Variants in TSPAN12 observed in about 807,000 individuals in gnomAD.
TSPAN12 encodes the protein tetraspanin 12, also known as tetraspanin-12.
Under a neutral mutation model 39.2 loss-of-function variants are expected in TSPAN12, and 19 were observed. That is an observed-to-expected ratio of 0.49 (90% confidence interval 0.34 to 0.71). TSPAN12 has a LOEUF of 0.71. TSPAN12 is among the 30% of genes least tolerant of loss of function. TSPAN12 has a pLI of 0.01. For synonymous variants in TSPAN12, 119 were observed against 124.8 expected (o/e 0.95, Z 0.31); for missense variants, 314 against 359.9 (o/e 0.87, Z 1.03).
chr7:120,821,758 C>G (rs1185247296), intron 4 of TSPAN12, among the ~76,000 whole-genome samples: 3 of 152,122 alleles, frequency 2.0e-5, no homozygotes, highest in Non-Finnish European at 4.4e-5. Context: ...TGGCACATAG[C>G]AGACACTTAA....
rs775398063 is a variant in TSPAN12, at chr7:120,838,922, G to T, written c.150-10C>A. On this transcript the variant is annotated splice_polypyrimidine_tract_variant and intron_variant, in intron 3 of 7. Coordinates refer to ENST00000222747, the MANE Select transcript of TSPAN12 (RefSeq NM_012338.4). ...GACTGCTTCCTCTACCCTGAAAGAA[G>T]AAAAATAATGTATTAGAAAGAAAAT... 6.2e-7 allele frequency: 1 copy of T among 1,613,430 alleles called. No homozygotes were observed. Among genetic ancestry groups the T allele is most frequent in the Non-Finnish European group, 8.5e-7 (1 of 1,179,680 alleles).
intron 4 of TSPAN12, among the ~76,000 whole-genome samples, chr7:120,826,087 T>C (rs968156718): frequency 6.6e-5 from 10 of 152,220 alleles, no homozygotes; most frequent in Admixed American, 1.3e-4. Context: ...CCTTTGTGCA[T>C]GCTTGTACTT....
rs150277684 is a variant in TSPAN12 at position 120,850,549 on chromosome 7, T to C, written c.66+6149A>G. 1.1e-4 allele frequency among the ~76,000 whole-genome samples: 17 copies of C among 152,340 alleles called. No homozygotes were observed. In the East Asian group the frequency reaches 3.3e-3, roughly 29 times the overall value. The stretch of plus-strand genomic sequence containing the variant: ...TGAGGGAGGAGCCTATTGCTCAGTA[T>C]GCAGCAGAATGTGCTATGAAGAATC... On this transcript the variant is annotated intron_variant, in intron 2 of 7. Transcript: ENST00000222747.
At chr7:120,805,900 G>A (rs1793862667) in intron 7 of TSPAN12, among the ~76,000 whole-genome samples, 1 of 152,036 alleles carries the variant, frequency 6.6e-6, no homozygotes, top group African/African-American at 2.4e-5. Context: ...AACAAAGTCT[G>A]AAAATAATCA....
intron 3 of TSPAN12, among the ~76,000 whole-genome samples, chr7:120,839,448 A>G (rs149578603): frequency 6.6e-6 from 1 of 152,324 alleles, no homozygotes; most frequent in East Asian, 1.9e-4. Context: ...CATTAACCGA[A>G]ACCAGTATTA....
At chr7:120,848,782 T>A (rs1415638072) in intron 2 of TSPAN12, among the ~76,000 whole-genome samples, 1 of 152,186 alleles carries the variant, frequency 6.6e-6, no homozygotes, top group African/African-American at 2.4e-5. Context: ...TCCAGCAACA[T>A]TAAATGTCTG....
chr7:120,827,585 G>C (rs187628121), intron 4 of TSPAN12, among the ~76,000 whole-genome samples: 63 of 152,260 alleles, frequency 4.1e-4, no homozygotes, highest in Non-Finnish European at 8.2e-4. Context: ...AAGGAAGTTT[G>C]AATTAACTAC....
intron 5 of TSPAN12, among the ~76,000 whole-genome samples, chr7:120,814,858 G>T (rs539058098): frequency 6.6e-6 from 1 of 152,168 alleles, no homozygotes; most frequent in African/African-American, 2.4e-5. Flanking sequence ...TTTCTAGATC[G>T]TGCCAAACAC....
intron 2 of TSPAN12, among the ~76,000 whole-genome samples, chr7:120,853,423 C>A (rs1794806999): frequency 6.8e-6 from 1 of 146,598 alleles, no homozygotes; most frequent in African/African-American, 2.5e-5. Flanking sequence ...ATAAAATAAT[C>A]TTAAAGAACA....
At chr7:120,844,952 G>A (rs1192937397) in intron 2 of TSPAN12, among the ~76,000 whole-genome samples, 2 of 152,206 alleles carry the variant, frequency 1.3e-5, no homozygotes, top group Admixed American at 6.5e-5. Context: ...CCCTGCAGCA[G>A]ACTTTTGCCT....
At chr7:120,802,939 TG>T (rs1409083397) in intron 7 of TSPAN12, among the ~76,000 whole-genome samples, 1 of 152,214 alleles carries the variant, frequency 6.6e-6, no homozygotes, top group East Asian at 1.9e-4. Context: ...TGGTTGAGAA[TG>T]ATTTATTTCC....
intron 4 of TSPAN12, among the ~76,000 whole-genome samples, chr7:120,816,470 G>C (rs1261355786): frequency 1.3e-5 from 2 of 151,990 alleles, no homozygotes; most frequent in African/African-American, 4.8e-5. Flanking sequence ...AAGGTGAAGA[G>C]GATTGGAACA....
chr7:120,832,419 T>G (rs182643739), intron 4 of TSPAN12, among the ~76,000 whole-genome samples: 112 of 152,202 alleles, frequency 7.4e-4, no homozygotes, highest in Admixed American at 1.3e-3. Context: ...TCTGACTTTC[T>G]AAGTTTTGCC....
At chr7:120,798,801 C>A (rs201045966) in intron 7 of TSPAN12, among the ~76,000 whole-genome samples, 3 of 152,134 alleles carry the variant, frequency 2.0e-5, no homozygotes, top group African/African-American at 7.2e-5. Flanking sequence ...CCCATTATTT[C>A]TTGGCTGGGA....
At chr7:120,794,060 G>C (rs1793584262) in intron 7 of TSPAN12, among the ~76,000 whole-genome samples, 1 of 152,168 alleles carries the variant, frequency 6.6e-6, no homozygotes, top group African/African-American at 2.4e-5. Context: ...CTGTCTTCAT[G>C]TTAAGCACCT....
intron 7 of TSPAN12, among the ~76,000 whole-genome samples, chr7:120,803,761 G>A (rs1326867930): frequency 1.3e-5 from 2 of 152,212 alleles, no homozygotes; most frequent in Non-Finnish European, 2.9e-5. Flanking sequence ...CTATCAACTT[G>A]CACATGCACA....
chr7:120,811,130 T>C (rs1385403680), intron 5 of TSPAN12, among the ~76,000 whole-genome samples: 1 of 152,204 alleles, frequency 6.6e-6, no homozygotes. Context: ...AGTTCTCCAC[T>C]TTTACACTGT....
At position 120,856,843 on chromosome 7, in the gene TSPAN12, G is replaced by T; in HGVS notation, c.-70-10C>A. Reference sequence around the variant, plus strand: ...GCAAAACGGCAGCGATCTGCAGGGGGCGGGGGAGAGAGAACACGGGACATC... The same window carrying T: ...GCAAAACGGCAGCGATCTGCAGGGGTCGGGGGAGAGAGAACACGGGACATC... On this transcript the variant is annotated splice_polypyrimidine_tract_variant and intron_variant, in intron 1 of 7. Coordinates refer to ENST00000222747, the MANE Select transcript of TSPAN12 (RefSeq NM_012338.4). 1 of 1,470,326 alleles carries T rather than the reference G, an allele frequency of 6.8e-7. No homozygotes were observed. Among genetic ancestry groups the T allele is most frequent in the Non-Finnish European group, 9.5e-7 (1 of 1,051,170 alleles). The allele number at this position is 1,470,326 out of a possible 1,614,324, so 91.1% of individuals were successfully genotyped here.
intron 4 of TSPAN12, among the ~76,000 whole-genome samples, chr7:120,834,205 T>C (rs1794437579): frequency 6.6e-6 from 1 of 152,202 alleles, no homozygotes; most frequent in African/African-American, 2.4e-5. Context: ...AATAATGTTT[T>C]AGTATATGTA....
Sources: gnomAD v4.1 joint callset for allele counts (sites outside exome capture counted in the v4.1 genomes callset) on GRCh38, gnomAD v4.1.1 for gene constraint, MANE v1.5 for transcripts, NCBI Gene and HGNC (gene_info 2026-07-23, HGNC 2026-07-21) for gene names.